The following ALK variants were observed in gnomAD, a reference collection of about 807,000 sequenced individuals.
The protein encoded by ALK is ALK receptor tyrosine kinase.
ALK carries 74 observed loss-of-function variants against 163.1 expected under a neutral mutation model. The observed-to-expected ratio is 0.45, with a 90% CI of 0.38 to 0.55. The LOEUF is 0.55. ALK is among the 20% of genes least tolerant of loss of function. The pLI, the probability that ALK is intolerant of heterozygous loss-of-function variation, is 0.00. For missense variants in ALK, 2,063 were observed against 2,105.3 expected, an observed-to-expected ratio of 0.98 and a Z score of 0.39; for synonymous variants, 960 against 843.2, an observed-to-expected ratio of 1.14 and a Z score of -2.40.
At chr2:29,388,039 T>C (rs1669074034) in intron 4 of ALK, among the ~76,000 whole-genome samples, 1 of 152,170 alleles carries the variant, frequency 6.6e-6, no homozygotes, top group African/African-American at 2.4e-5. Context: ...ACTGGCCAGA[T>C]AGTGAAATAC....
intron 16 of ALK, among the ~76,000 whole-genome samples, chr2:29,228,083 T>A (rs941710864): frequency 5.3e-5 from 8 of 152,150 alleles, no homozygotes; most frequent in Non-Finnish European, 8.8e-5. Context: ...GCTGTGCGGA[T>A]TGCGGGAAAT....
At chr2:29,533,864 G>GGT (rs1180091950) in intron 3 of ALK, among the ~76,000 whole-genome samples, 1 of 152,170 alleles carries the variant, frequency 6.6e-6, no homozygotes, top group African/African-American at 2.4e-5. Flanking sequence ...CATGTTGGGA[G>GGT]CCTTCAGGAA....
intron 3 of ALK, among the ~76,000 whole-genome samples, chr2:29,538,344 G>C (rs1673317740): frequency 6.6e-6 from 1 of 152,112 alleles, no homozygotes; most frequent in South Asian, 2.1e-4. Flanking sequence ...CAACCCCCTT[G>C]GTGATAAGTG....
chr2:29,479,251 A>C (rs1003680270), intron 4 of ALK, among the ~76,000 whole-genome samples: 1 of 152,162 alleles, frequency 6.6e-6, no homozygotes, highest in Non-Finnish European at 1.5e-5. Flanking sequence ...CCCTATCCTG[A>C]GCTTTCTGGG....
At chr2:29,914,037 T>C (rs1218016215) in intron 1 of ALK, among the ~76,000 whole-genome samples, 1 of 152,242 alleles carries the variant, frequency 6.6e-6, no homozygotes, top group Non-Finnish European at 1.5e-5. Flanking sequence ...TCCTCCATCT[T>C]AACTTTCATA....
chr2:29,744,990 G>C (rs1680171409), intron 1 of ALK, among the ~76,000 whole-genome samples: 2 of 152,118 alleles, frequency 1.3e-5, no homozygotes, highest in Non-Finnish European at 2.9e-5. Context: ...AAGAATTTGT[G>C]GACCTGTTTT....
At chr2:29,312,153 G>A (rs1330978647) in intron 8 of ALK, among the ~76,000 whole-genome samples, 1 of 152,094 alleles carries the variant, frequency 6.6e-6, no homozygotes, top group Non-Finnish European at 1.5e-5. Context: ...AGGCTCCTTG[G>A]AGAAGGCAGG....
chr2:29,368,797 C>T (rs773928629), intron 5 of ALK, among the ~76,000 whole-genome samples: 8 of 152,134 alleles, frequency 5.3e-5, no homozygotes, highest in Admixed American at 5.2e-4. Context: ...TCCCATGGAT[C>T]ACTACTGCCA....
At chr2:29,336,760 G>A (rs891734006) in intron 5 of ALK, among the ~76,000 whole-genome samples, 5 of 152,126 alleles carry the variant, frequency 3.3e-5, no homozygotes, top group African/African-American at 7.2e-5. Flanking sequence ...ATTTTAGGGC[G>A]CTTAATTTTT....
At chr2:29,791,149 T>A (rs1477252662) in intron 1 of ALK, among the ~76,000 whole-genome samples, 1 of 152,242 alleles carries the variant, frequency 6.6e-6, no homozygotes, top group Non-Finnish European at 1.5e-5. Context: ...ATGTAATTGA[T>A]GTTGTCAGAC....
chr2:29,453,147 G>A (rs1670864374), intron 4 of ALK, among the ~76,000 whole-genome samples: 1 of 152,226 alleles, frequency 6.6e-6, no homozygotes, highest in South Asian at 2.1e-4. Flanking sequence ...TAGATAAGAT[G>A]TTGGCATAAG....
chr2:29,703,903 G>A lies in ALK; in HGVS notation c.788-8889C>T, dbSNP rs540594316. On this transcript the variant is annotated intron_variant, in intron 2 of 28. Transcript: ENST00000389048. Reference sequence around the variant, plus strand: ...ATGAGTCCTTCACATACAGTGTGGAGGGCATTTCTCCTGGTTGCAGAAGTC... The same window carrying A: ...ATGAGTCCTTCACATACAGTGTGGAAGGCATTTCTCCTGGTTGCAGAAGTC... 1.2e-4 allele frequency among the ~76,000 whole-genome samples: 18 copies of A among 152,294 alleles called. 1 individual carries two copies. Among genetic ancestry groups the A allele is most frequent in the Admixed American group, 1.0e-3 (16 of 15,302 alleles).
At chr2:29,775,698 G>A (rs1044929335) in intron 1 of ALK, among the ~76,000 whole-genome samples, 14 of 152,168 alleles carry the variant, frequency 9.2e-5, no homozygotes, top group Non-Finnish European at 1.9e-4. Flanking sequence ...GTGACCTTGG[G>A]AAAGTTACTT....
chr2:29,304,493 T>TAAAAA (rs70958256), intron 8 of ALK, among the ~76,000 whole-genome samples: 2 of 125,422 alleles, frequency 1.6e-5, no homozygotes, highest in Non-Finnish European at 1.6e-5. Context: ...AGACTGTGTC[T>TAAAAA]AAAAAAAAAA....
intron 1 of ALK, among the ~76,000 whole-genome samples, chr2:29,813,593 A>T (rs1339871299): frequency 2.0e-5 from 3 of 152,226 alleles, no homozygotes; most frequent in Non-Finnish European, 4.4e-5. Flanking sequence ...TAAATTTCCT[A>T]GAACTTACAG....
intron 1 of ALK, among the ~76,000 whole-genome samples, chr2:29,764,448 G>C (rs932923213): frequency 6.6e-6 from 1 of 152,136 alleles, no homozygotes; most frequent in African/African-American, 2.4e-5. Context: ...ATCAGTGAAC[G>C]TCCCAAATCA....
At chr2:29,399,912 A>G (rs1216128651) in intron 4 of ALK, among the ~76,000 whole-genome samples, 2 of 152,238 alleles carry the variant, frequency 1.3e-5, no homozygotes, top group Non-Finnish European at 2.9e-5. Context: ...AGAAGGAAAT[A>G]AAAGCCCATT....
chr2:29,809,651 C>T (rs941706235), intron 1 of ALK, among the ~76,000 whole-genome samples: 1 of 152,104 alleles, frequency 6.6e-6, no homozygotes, highest in Non-Finnish European at 1.5e-5. Context: ...TGTGAGATCC[C>T]CATGATCCCT....
intron 1 of ALK, among the ~76,000 whole-genome samples, chr2:29,917,562 T>C (rs1039063922): frequency 1.3e-5 from 2 of 152,168 alleles, no homozygotes; most frequent in Non-Finnish European, 2.9e-5. Context: ...ATCTACTCCA[T>C]GGGGATGTCT....
Sources: allele counts gnomAD v4.1 joint callset (sites outside exome capture counted in the v4.1 genomes callset), GRCh38; gene constraint gnomAD v4.1.1; transcripts MANE v1.5; gene names NCBI Gene and HGNC (gene_info 2026-07-23, HGNC 2026-07-21).